The following SLC27A5 variants were observed in gnomAD, a reference collection of about 807,000 sequenced individuals.
SLC27A5 encodes the protein long-chain fatty acid transport protein 5.
In SLC27A5, 47 loss-of-function variants were observed where a neutral mutation model predicts 63.1. The ratio of observed to expected loss-of-function variants is 0.74; its 90% CI spans 0.59 to 0.95. SLC27A5 has a LOEUF of 0.95. SLC27A5 is among the 40% of genes least tolerant of loss of function. SLC27A5 has a pLI of 0.00. For synonymous variants in SLC27A5, 391 were observed against 403.8 expected (o/e 0.97, Z 0.38); for missense variants, 940 against 921.0 (o/e 1.02, Z -0.27).
In SLC27A5 at chr19:58,499,540, T is replaced by G. The variant is rs1165498418; in HGVS notation, c.1619A>C (p.Asp540Ala). The change falls in exon 7 of 10, where the codon GAC becomes GCC. Residue 540 changes from aspartate (D) to alanine (A), a missense_variant. Coordinates refer to ENST00000263093, the MANE Select transcript of SLC27A5 (RefSeq NM_012254.3). The part of the protein sequence containing the change: ...YYNTGDVLAM[D>A]REGFLYFRDR... ...GCGGAAGTAGAGGAAGCCTTCGCGG[T>G]CCATGGCCAGTACGTCCCCGGTGTT... 1.9e-6 allele frequency: 3 copies of G among 1,612,632 alleles called. No individual in the cohort carries two copies. The highest frequency in any genetic ancestry group is 8.5e-7 in the Non-Finnish European group (1 of 1,179,946).
intron 3 of SLC27A5, chr19:58,507,430 C>T (rs1472199684): frequency 1.3e-5 from 2 of 152,212 alleles, no homozygotes; most frequent in Non-Finnish European, 2.9e-5. Context: ...TTACTTTCAT[C>T]TCTTAATCCT....
chr19:58,499,230 G>A lies in SLC27A5; in HGVS notation c.1668-10C>T, dbSNP rs375785125. ...GTTCTCGCCCTTCCATCTGCAAGGA[G>A]GGAGCCGGCGCTTGTGACCACGCCC... is the stretch of plus-strand genomic sequence containing the variant. On this transcript the variant is annotated splice_polypyrimidine_tract_variant and intron_variant, in intron 7 of 9. Coordinates refer to ENST00000263093, the MANE Select transcript of SLC27A5 (RefSeq NM_012254.3). 144 of 1,612,674 alleles carry A rather than the reference G, an allele frequency of 8.9e-5. No individual in the cohort carries two copies. In the African/African-American group the frequency reaches 1.8e-3, roughly 20 times the overall value.
chr19:58,503,085 G>A (rs1364841180), intron 3 of SLC27A5, among the ~76,000 whole-genome samples: 1 of 151,950 alleles, frequency 6.6e-6, no homozygotes, highest in South Asian at 2.1e-4. Flanking sequence ...GGCGCCTGTA[G>A]TCCCAGCTAC....
chr19:58,498,372 G>T lies in SLC27A5; in HGVS notation c.*143C>A. 1.3e-6 allele frequency: 1 copy of T among 776,656 alleles called. No homozygotes were observed. Among genetic ancestry groups the T allele is most frequent in the South Asian group, 1.8e-5 (1 of 54,202 alleles). The allele number at this position is 776,656 out of a possible 1,614,324, so 48.1% of individuals were successfully genotyped here. ...CTGAGTTTATTCTGCCACTGCTACA[G>T]GGCCCACTGTCATTTCCAGCCCACT... On this transcript the variant is annotated 3_prime_UTR_variant, in exon 10 of 10. Transcript: ENST00000263093.
intron 3 of SLC27A5, among the ~76,000 whole-genome samples, chr19:58,505,489 TC>T (rs772719629): frequency 4.8e-4 from 73 of 151,764 alleles, no homozygotes; most frequent in Non-Finnish European, 9.4e-4. Context: ...AGACTCATCC[TC>T]CCAAAGTGCT....
At position 58,510,854 on chromosome 19, in the gene SLC27A5, G is replaced by A. The variant is rs1429750155; in HGVS notation, c.765C>T (p.Thr255=). ...GAGCCCCCACCCCTGGTGTAGGGGA[G>A]GTATGGCTGAGGTAGAAGCAGCGGA... ...ENIRCFYLSH[T]SPTPGVGALG... is the part of the protein sequence containing the mutation. The change falls in exon 2 of 10, where the codon ACC becomes ACT. Residue 255 remains threonine, a synonymous_variant. Transcript: ENST00000263093. The A allele has an allele frequency of 1.9e-6, 3 of 1,613,180 alleles. No homozygotes were observed. Among genetic ancestry groups the A allele is most frequent in the Non-Finnish European group, 2.5e-6 (3 of 1,179,724 alleles).
chr19:58,499,639 C>T lies in SLC27A5; in HGVS notation c.1520G>A (p.Gly507Asp), dbSNP rs749951569. 6.2e-7 allele frequency: 1 copy of T among 1,612,680 alleles called. No homozygotes were observed. Among genetic ancestry groups the T allele is most frequent in the East Asian group, 2.2e-5 (1 of 44,878 alleles). ...TKVVSQQPFV[G>D]YRGPRELSER... is the part of the protein sequence containing the mutation. ...CGACAGCTCTCGGGGGCCGCGGTAG[C>T]CCACGAAGGGTTGCTGGCTTACCAC... is the stretch of plus-strand genomic sequence containing the variant. Residue 507 changes from glycine to aspartate, a missense_variant, in exon 7 of 10, where the codon GGC (glycine) becomes GAC (aspartate). Transcript: ENST00000263093.
chr19:58,507,275 C>A, intron 3 of SLC27A5: 1 of 152,426 alleles, frequency 6.6e-6, no homozygotes, highest in South Asian at 2.0e-4. Context: ...AAGAATCGCT[C>A]ACAAGTGCTC....
At chr19:58,508,007 C>T (rs1408781129) in intron 3 of SLC27A5, 1 of 152,172 alleles carries the variant, frequency 6.6e-6, no homozygotes, top group African/African-American at 2.4e-5. Flanking sequence ...TTGCCCTTTG[C>T]CTTGTGATCT....
chr19:58,508,085 G>T (rs9636162), intron 3 of SLC27A5: 142,118 of 152,200 alleles, frequency 0.93, 66,458 homozygotes, highest in Middle Eastern at 0.97. Context: ...ACCTATTCTC[G>T]GTTCTTACAC....
chr19:58,499,009 G>A (rs2053241092), intron 8 of SLC27A5, 94 bp from the exon 9 acceptor site: 1 of 1,589,242 alleles, frequency 6.3e-7, no homozygotes, highest in East Asian at 2.2e-5. Flanking sequence ...GGCTGTGAGA[G>A]CCAGCAAGTC....
At chr19:58,502,366 G>T (rs945866067) in intron 3 of SLC27A5, among the ~76,000 whole-genome samples, 7 of 148,852 alleles carry the variant, frequency 4.7e-5, no homozygotes, top group Non-Finnish European at 8.9e-5. Flanking sequence ...TGGACAGTTA[G>T]AGTAGTGAGT....
At chr19:58,510,605 G>T in intron 2 of SLC27A5, 116 bp downstream of exon 2, 5 of 910,944 alleles carry the variant, frequency 5.5e-6, no homozygotes, top group Non-Finnish European at 8.0e-6. Flanking sequence ...AAAAACAAAT[G>T]TCAAAATCAG....
At position 58,501,206 on chromosome 19, in the gene SLC27A5, A is replaced by G. The variant is rs1001557919; in HGVS notation, c.1182+80T>C. 13 of 1,542,080 alleles carry G rather than the reference A, an allele frequency of 8.4e-6. No individual in the cohort carries two copies. The African/African-American group carries it at 1.6e-4, about 20-fold the overall frequency. ...ATTATCTGAGGGACTTGAGTTCAGT[A>G]CCTGAATCTTTACCTGAGACCTTTA... On this transcript the variant is annotated intron_variant, in intron 4 of 9. Coordinates refer to ENST00000263093, the MANE Select transcript of SLC27A5 (RefSeq NM_012254.3).
chr19:58,501,516 C>T, intron 3 of SLC27A5, 106 bp from the exon 4 acceptor site: 3 of 1,259,598 alleles, frequency 2.4e-6, no homozygotes, highest in Non-Finnish European at 3.3e-6. Context: ...AAATACAGGA[C>T]AATACTGAGT....
At chr19:58,503,428 G>C (rs1000779998) in intron 3 of SLC27A5, among the ~76,000 whole-genome samples, 4 of 151,972 alleles carry the variant, frequency 2.6e-5, no homozygotes, top group South Asian at 2.1e-4. Context: ...GGGAGGCTGA[G>C]GGGGGTGGAT....
At chr19:58,500,872 G>C (rs2053266946) in intron 4 of SLC27A5, 166 bp from the exon 5 acceptor site, 3 of 1,429,398 alleles carry the variant, frequency 2.1e-6, no homozygotes, top group Non-Finnish European at 2.7e-6. Flanking sequence ...CATGAGAGTA[G>C]TTACTGGAGT....
chr19:58,510,414 A>C (rs755887320), intron 2 of SLC27A5: 7 of 343,762 alleles, frequency 2.0e-5, no homozygotes, highest in Non-Finnish European at 3.2e-5. Context: ...TCTCTACCAA[A>C]AATACAAAAA....
intron 3 of SLC27A5, among the ~76,000 whole-genome samples, chr19:58,506,690 A>AC (rs2053351698): frequency 6.6e-6 from 1 of 150,830 alleles, no homozygotes; most frequent in Admixed American, 6.6e-5. Flanking sequence ...TCTTTTTGCA[A>AC]CCCCCGCCTC....
Sources: allele counts gnomAD v4.1 joint callset (sites outside exome capture counted in the v4.1 genomes callset), GRCh38; gene constraint gnomAD v4.1.1; transcripts MANE v1.5; gene names NCBI Gene and HGNC (gene_info 2026-07-23, HGNC 2026-07-21).